IGSF21: variants seen among roughly 807,000 people sequenced by gnomAD.
IGSF21 encodes immunoglobin superfamily member 21.
IGSF21 carries 28 observed loss-of-function variants against 46.8 expected under a neutral mutation model. The ratio of observed to expected loss-of-function variants is 0.60; its 90% confidence interval spans 0.44 to 0.82. IGSF21 has a LOEUF of 0.82. Among genes scored for constraint, IGSF21 ranks in the 40% least tolerant of loss-of-function variants. The probability of loss-of-function intolerance (pLI) is 0.00; values close to 1 mark genes in which losing one functional copy is unlikely to be tolerated. For missense variants in IGSF21, 624 were observed against 665.5 expected, an observed-to-expected ratio of 0.94 and a Z score of 0.69; for synonymous variants, 284 against 273.6, an observed-to-expected ratio of 1.04 and a Z score of -0.38.
At position 18,341,073 on chromosome 1, in the gene IGSF21, TCTTCTC is replaced by T. The variant is rs745729324; in HGVS notation, c.424+6066_424+6071del. 3.0e-3 allele frequency among the ~76,000 whole-genome samples: 244 copies of T among 82,572 alleles called. 1 individual carries two copies. Among genetic ancestry groups the T allele is most frequent in the East Asian group, 5.5e-3 (17 of 3,118 alleles). 54.2% of individuals were successfully genotyped at this position (82,572 alleles called of 152,430 possible). On this transcript the variant is annotated intron_variant, in intron 4 of 9. Coordinates refer to ENST00000251296, the MANE Select transcript of IGSF21 (RefSeq NM_032880.5). Reference sequence around the variant, plus strand: ...TTCCTCTTCCTCTTCTTCTTCTTCTTCTTCTCCTCCTCCTCCTCCTCCTTCTCCTCC... The same window carrying T: ...TTCCTCTTCCTCTTCTTCTTCTTCTTCTCCTCCTCCTCCTCCTTCTCCTCC...
chr1:18,210,209 G>A (rs551564046), intron 1 of IGSF21, among the ~76,000 whole-genome samples: 3 of 152,254 alleles, frequency 2.0e-5, no homozygotes, highest in South Asian at 4.2e-4. Flanking sequence ...GTGGAAGAAC[G>A]AGATTAGAGA....
intron 1 of IGSF21, among the ~76,000 whole-genome samples, chr1:18,148,090 A>G (rs1319329033): frequency 6.8e-6 from 1 of 147,726 alleles, no homozygotes; most frequent in Non-Finnish European, 1.5e-5. Flanking sequence ...AGTCCATTAA[A>G]CCATTTTCCT....
intron 3 of IGSF21, among the ~76,000 whole-genome samples, chr1:18,310,626 G>A (rs2085480361): frequency 6.6e-6 from 1 of 152,178 alleles, no homozygotes; most frequent in Admixed American, 6.5e-5. Flanking sequence ...GAAGGCAAAT[G>A]TTCAGCTTTC....
intron 7 of IGSF21, 46 bp downstream of exon 7, chr1:18,376,441 A>G (rs2086281251): frequency 1.5e-6 from 2 of 1,349,530 alleles, no homozygotes; most frequent in Non-Finnish European, 2.1e-6. Context: ...GAGGTGGTAG[A>G]GGCACCGACC....
intron 2 of IGSF21, among the ~76,000 whole-genome samples, chr1:18,230,811 C>A (rs112866273): frequency 0.022 from 3,321 of 152,118 alleles, 56 homozygotes; most frequent in Middle Eastern, 0.048. Context: ...GGAATGGGAG[C>A]AGCAGCAACA....
intron 3 of IGSF21, among the ~76,000 whole-genome samples, chr1:18,309,532 A>C (rs1237062825): frequency 1.3e-5 from 2 of 151,956 alleles, no homozygotes; most frequent in African/African-American, 4.8e-5. Context: ...TCCTTTCCCC[A>C]TTGGCGTGGA....
At chr1:18,329,899 G>A (rs1440627194) in intron 3 of IGSF21, among the ~76,000 whole-genome samples, 3 of 152,176 alleles carry the variant, frequency 2.0e-5, no homozygotes, top group Admixed American at 6.5e-5. Flanking sequence ...CAGGTCACGG[G>A]GCATGCAGCA....
At chr1:18,341,074 CTT>C (rs776629056) in intron 4 of IGSF21, among the ~76,000 whole-genome samples, 2 of 68,850 alleles carry the variant, frequency 2.9e-5, no homozygotes, top group African/African-American at 9.3e-5. Context: ...TCTTCTTCTT[CTT>C]CTCCTCCTCC....
chr1:18,117,115 G>T (rs2086195685), intron 1 of IGSF21, among the ~76,000 whole-genome samples: 1 of 152,198 alleles, frequency 6.6e-6, no homozygotes. Context: ...TGGCTTTTCT[G>T]GGCCACCTGA....
chr1:18,162,838 C>G (rs918643813), intron 1 of IGSF21, among the ~76,000 whole-genome samples: 1 of 152,102 alleles, frequency 6.6e-6, no homozygotes, highest in African/African-American at 2.4e-5. Flanking sequence ...ACCCTCTAAA[C>G]CAGGCCAAAA....
chr1:18,231,065 T>G (rs1335024546), intron 2 of IGSF21, among the ~76,000 whole-genome samples: 2 of 152,084 alleles, frequency 1.3e-5, no homozygotes, highest in African/African-American at 4.8e-5. Context: ...ATGAATAGAT[T>G]ACACAGGCCC....
chr1:18,288,182 A>G (rs2124562371), intron 2 of IGSF21, among the ~76,000 whole-genome samples: 1 of 152,272 alleles, frequency 6.6e-6, no homozygotes, highest in East Asian at 1.9e-4. Flanking sequence ...TCAACTGGGG[A>G]TGGAGGAAAT....
At position 18,108,079 on chromosome 1, in the gene IGSF21, C is replaced by T. The variant is rs1281829163; in HGVS notation, c.-50C>T. 1.1e-6 allele frequency: 1 copy of T among 920,864 alleles called. No individual in the cohort carries two copies. The highest frequency in any genetic ancestry group is 2.0e-5 in the South Asian group (1 of 50,314). 57.0% of individuals were successfully genotyped at this position (920,864 alleles called of 1,614,324 possible). On this transcript the variant is annotated 5_prime_UTR_variant, in exon 1 of 10. Transcript: ENST00000251296. ...AGCCCATGGCGAGGGGACCCGCCGC[C>T]ACCGCCTCCACCCCCGCCGCCCCGC... is the stretch of plus-strand genomic sequence containing the variant.
intron 3 of IGSF21, among the ~76,000 whole-genome samples, chr1:18,294,053 G>A (rs945676530): frequency 1.3e-5 from 2 of 152,206 alleles, no homozygotes; most frequent in Admixed American, 1.3e-4. Flanking sequence ...CGCCTGTAGA[G>A]CAGACTTGAC....
At chr1:18,198,446 G>T (rs1487941409) in intron 1 of IGSF21, among the ~76,000 whole-genome samples, 1 of 152,300 alleles carries the variant, frequency 6.6e-6, no homozygotes, top group African/African-American at 2.4e-5. Flanking sequence ...GAGCCCAGGA[G>T]CCAGGCTCCC....
intron 1 of IGSF21, among the ~76,000 whole-genome samples, chr1:18,184,166 C>T (rs1178253958): frequency 6.6e-6 from 1 of 152,166 alleles, no homozygotes; most frequent in Non-Finnish European, 1.5e-5. Flanking sequence ...CAAACATAGC[C>T]CATTCAATGA....
intron 3 of IGSF21, among the ~76,000 whole-genome samples, chr1:18,297,972 C>T (rs546842888): frequency 5.3e-5 from 8 of 152,138 alleles, no homozygotes; most frequent in Non-Finnish European, 7.3e-5. Flanking sequence ...TGGAATGTAT[C>T]TCCAGGAATC....
At position 18,290,354 on chromosome 1, in the gene IGSF21, G is replaced by T. The variant is rs977522516; in HGVS notation, c.184-1512G>T. Among the ~76,000 whole-genome samples, 3 of 152,158 alleles carry T rather than the reference G, an allele frequency of 2.0e-5. No individual in the cohort carries two copies. Among genetic ancestry groups the T allele is most frequent in the African/African-American group, 7.2e-5 (3 of 41,416 alleles). ...ACGCGTGTACATGTCGCTAAGTCCC[G>T]ACAGAGATAGGAGGGGTGTGGGCTT... is the stretch of plus-strand genomic sequence containing the variant. On this transcript the variant is annotated intron_variant, in intron 2 of 9. Transcript: ENST00000251296. The surrounding 1 kb of genome is among the most constrained non-coding windows in gnomAD (Gnocchi z 4.2).
chr1:18,376,735 A>G, intron 7 of IGSF21, 65 bp from the exon 8 acceptor site: 2 of 1,469,934 alleles, frequency 1.4e-6, no homozygotes, highest in Non-Finnish European at 1.9e-6. Flanking sequence ...GCAGCCCCTG[A>G]CCCCTTGCTG....
Sources: gnomAD v4.1 joint callset for allele counts (sites outside exome capture counted in the v4.1 genomes callset) on GRCh38, gnomAD v4.1.1 for gene constraint, Gnocchi (gnomAD v3.1) non-coding constraint, MANE v1.5 for transcripts, NCBI Gene and HGNC (gene_info 2026-07-23, HGNC 2026-07-21) for gene names.